The following MBNL1 variants were observed in gnomAD, a reference collection of about 807,000 sequenced individuals.
MBNL1 encodes the protein muscleblind-like protein 1.
Under a neutral mutation model 42.2 loss-of-function variants are expected in MBNL1, and 8 were observed. The ratio of observed to expected loss-of-function variants is 0.19; its 90% CI spans 0.11 to 0.34. The LOEUF is 0.34. MBNL1 is among the 10% of genes least tolerant of loss of function. The probability of loss-of-function intolerance (pLI) is 1.00; values close to 1 mark genes in which losing one functional copy is unlikely to be tolerated. For synonymous variants in MBNL1, 169 were observed against 173.9 expected, an observed-to-expected ratio of 0.97 and a Z score of 0.22; for missense variants, 309 against 495.3, an observed-to-expected ratio of 0.62 and a Z score of 3.57.
intron 4 of MBNL1, among the ~76,000 whole-genome samples, chr3:152,440,331 A>G (rs2099129945): frequency 1.3e-5 from 2 of 152,212 alleles, no homozygotes; most frequent in Non-Finnish European, 2.9e-5. Context: ...AGACTGGGCA[A>G]TTTACGAAAA....
intron 2 of MBNL1, among the ~76,000 whole-genome samples, chr3:152,368,955 G>A (rs2096544998): frequency 6.6e-6 from 1 of 152,154 alleles, no homozygotes; most frequent in Non-Finnish European, 1.5e-5. Flanking sequence ...GTCTTCTGCA[G>A]ACAGAGACAA....
At chr3:152,244,874 T>C (rs1186497436) in intron 2 of MBNL1, among the ~76,000 whole-genome samples, 1 of 152,126 alleles carries the variant, frequency 6.6e-6, no homozygotes, top group Non-Finnish European at 1.5e-5. Context: ...AAAAAAAGCA[T>C]TCTTACATTT....
chr3:152,324,426 G>A (rs2078241156), intron 2 of MBNL1, among the ~76,000 whole-genome samples: 2 of 152,092 alleles, frequency 1.3e-5, no homozygotes, highest in African/African-American at 4.8e-5. Context: ...GCTTGTTGAA[G>A]GTTACAGGCA....
intron 2 of MBNL1, among the ~76,000 whole-genome samples, chr3:152,322,645 T>C (rs890404520): frequency 1.3e-5 from 2 of 152,238 alleles, no homozygotes; most frequent in East Asian, 3.9e-4. Flanking sequence ...GACAGTTTTA[T>C]TGATTGATTT....
At chr3:152,340,798 A>G (rs1419895136) in intron 2 of MBNL1, 3 of 1,614,040 alleles carry the variant, frequency 1.9e-6, no homozygotes, top group Non-Finnish European at 2.5e-6. Flanking sequence ...AGGGGACTGG[A>G]CAGAACCTAC....
At chr3:152,430,900 G>GC (rs949346142) in intron 3 of MBNL1, among the ~76,000 whole-genome samples, 12 of 152,334 alleles carry the variant, frequency 7.9e-5, no homozygotes, top group African/African-American at 2.9e-4. Flanking sequence ...CATCGACCTG[G>GC]CAGAGCAGCT....
intron 2 of MBNL1, among the ~76,000 whole-genome samples, chr3:152,382,624 A>G (rs1239958356): frequency 6.6e-6 from 1 of 152,148 alleles, no homozygotes; most frequent in Admixed American, 6.6e-5. Flanking sequence ...AATTAATGCA[A>G]CATACATTTG....
chr3:152,357,014 C>T (rs2095574463), intron 2 of MBNL1, among the ~76,000 whole-genome samples: 1 of 152,030 alleles, frequency 6.6e-6, no homozygotes, highest in African/African-American at 2.4e-5. Flanking sequence ...TGATTTTAAA[C>T]CTCCAATTCA....
chr3:152,328,420 A>G (rs1267006493), intron 2 of MBNL1, among the ~76,000 whole-genome samples: 3 of 152,162 alleles, frequency 2.0e-5, no homozygotes, highest in Admixed American at 1.3e-4. Context: ...TTAAGTAATT[A>G]CTGTAATTCT....
intron 2 of MBNL1, among the ~76,000 whole-genome samples, chr3:152,252,293 C>T (rs548571583): frequency 8.6e-5 from 13 of 150,690 alleles, no homozygotes; most frequent in African/African-American, 2.9e-4. Flanking sequence ...CCCTCCCTCC[C>T]TTTGTTCCTC....
chr3:152,410,140 A>G (rs2098531748), intron 2 of MBNL1, among the ~76,000 whole-genome samples: 1 of 152,038 alleles, frequency 6.6e-6, no homozygotes, highest in Non-Finnish European at 1.5e-5. Flanking sequence ...ATATTTGTAC[A>G]TATGTAATGT....
At chr3:152,275,159 ACT>A (rs1334933885) in intron 1 of MBNL1, among the ~76,000 whole-genome samples, 1 of 152,182 alleles carries the variant, frequency 6.6e-6, no homozygotes, top group Non-Finnish European at 1.5e-5. Flanking sequence ...TGGACGGATA[ACT>A]CTTCTAGTAG....
chr3:152,265,714 G>GA (rs1250748106), upstream of MBNL1: 1 of 151,806 alleles, frequency 6.6e-6, no homozygotes, highest in Admixed American at 6.6e-5. Context: ...AACCTGCAGT[G>GA]AACACTCTTT....
rs181765016 is a variant in MBNL1, at chr3:152,270,412, A to G, written c.-790+1320A>G. On this transcript the variant is annotated intron_variant, in intron 1 of 9. Coordinates refer to ENST00000324210, the MANE Select transcript of MBNL1 (RefSeq NM_021038.5). ...GTCCCTTCCTCCTGGGTTTGAACAC[A>G]GTGTCTGTTTATACACAGAGGGTGT... Among the ~76,000 whole-genome samples the G allele has an allele frequency of 2.0e-4, 31 of 152,316 alleles. No homozygotes were observed. The South Asian group carries it at 6.4e-3, about 32-fold the overall frequency.
intron 6 of MBNL1, among the ~76,000 whole-genome samples, chr3:152,448,518 CATT>C (rs1715103787): frequency 1.3e-5 from 2 of 152,182 alleles, no homozygotes; most frequent in South Asian, 4.2e-4. Flanking sequence ...CATATAAGCT[CATT>C]ATTATCTGGA....
intron 2 of MBNL1, among the ~76,000 whole-genome samples, chr3:152,305,726 T>C (rs979971222): frequency 6.6e-6 from 1 of 152,180 alleles, no homozygotes; most frequent in African/African-American, 2.4e-5. Context: ...TATAATAGAT[T>C]ATTAGGATAG....
At chr3:152,259,844 A>G (rs1054006566) in intron 2 of MBNL1, among the ~76,000 whole-genome samples, 3 of 152,254 alleles carry the variant, frequency 2.0e-5, no homozygotes, top group Non-Finnish European at 4.4e-5. Flanking sequence ...GAGACATTTG[A>G]ATTCAATAAA....
intron 1 of MBNL1, among the ~76,000 whole-genome samples, chr3:152,285,184 G>A (rs1314006141): frequency 6.6e-6 from 1 of 152,160 alleles, no homozygotes; most frequent in Non-Finnish European, 1.5e-5. Context: ...CAATGCAGTA[G>A]TGGTACCTCC....
At chr3:152,424,938 A>G (rs935582600) in intron 3 of MBNL1, among the ~76,000 whole-genome samples, 9 of 152,214 alleles carry the variant, frequency 5.9e-5, no homozygotes, top group Non-Finnish European at 1.2e-4. Context: ...AAAGACTTAA[A>G]TGTAAGACCC....
Sources: gnomAD v4.1 joint callset for allele counts (sites outside exome capture counted in the v4.1 genomes callset) on GRCh38, gnomAD v4.1.1 for gene constraint, MANE v1.5 for transcripts, NCBI Gene and HGNC (gene_info 2026-07-23, HGNC 2026-07-21) for gene names.